ABCB1: variants seen among roughly 807,000 people sequenced by gnomAD.
ABCB1 encodes ATP-dependent translocase ABCB1.
In ABCB1, 69 loss-of-function variants were observed where a neutral mutation model predicts 142.0. The observed-to-expected ratio is 0.49, with a 90% CI of 0.40 to 0.59. The LOEUF (loss-of-function observed/expected upper bound fraction) is 0.59. Ranked by LOEUF, ABCB1 falls within the 20% of genes least tolerant of loss-of-function variation. The pLI is 0.00. For synonymous variants in ABCB1, 532 were observed against 539.2 expected (o/e 0.99, Z 0.18); for missense variants, 1,326 against 1,554.7 (o/e 0.85, Z 2.47).
At chr7:87,623,317 T>G (rs1034282291) in intron 1 of ABCB1, among the ~76,000 whole-genome samples, 1 of 152,240 alleles carries the variant, frequency 6.6e-6, no homozygotes, top group East Asian at 1.9e-4. Flanking sequence ...AAATATCCTC[T>G]GTTCGAACTG....
At chr7:87,645,819 A>T (rs566224463) in intron 1 of ABCB1, among the ~76,000 whole-genome samples, 1 of 152,260 alleles carries the variant, frequency 6.6e-6, no homozygotes, top group East Asian at 1.9e-4. Flanking sequence ...GTGAGTATTG[A>T]GTGGGAAGAA....
chr7:87,674,297 A>G (rs1447223437), intron 1 of ABCB1, among the ~76,000 whole-genome samples: 1 of 152,104 alleles, frequency 6.6e-6, no homozygotes, highest in African/African-American at 2.4e-5. Context: ...CAGTTGTGGC[A>G]GGGGTGGGGG....
At chr7:87,531,567 A>C (rs1165737254) in intron 20 of ABCB1, 70 bp from the exon 21 acceptor site, 1 of 1,416,488 alleles carries the variant, frequency 7.1e-7, no homozygotes, top group Non-Finnish European at 9.8e-7. Flanking sequence ...TATTTTCTGA[A>C]AACTCACCTT....
chr7:87,581,963 G>A (rs773670827), intron 4 of ABCB1, among the ~76,000 whole-genome samples: 7 of 152,182 alleles, frequency 4.6e-5, no homozygotes, highest in African/African-American at 7.2e-5. Flanking sequence ...GCATGACAGA[G>A]CATGTTTGCC....
At chr7:87,531,664 T>G (rs1816062794) in intron 20 of ABCB1, 167 bp from the exon 21 acceptor site, 3 of 633,198 alleles carry the variant, frequency 4.7e-6, no homozygotes, top group Admixed American at 5.7e-5. Flanking sequence ...CAGTAAGAAT[T>G]TCCATGACTT....
intron 27 of ABCB1, 70 bp downstream of exon 27, chr7:87,505,827 T>A: frequency 2.5e-6 from 4 of 1,581,396 alleles, no homozygotes; most frequent in Non-Finnish European, 8.7e-7. Context: ...TTTTGTTCTT[T>A]ACTATGGAGA....
intron 1 of ABCB1, chr7:87,629,009 G>A (rs1381867102): frequency 4.1e-5 from 52 of 1,278,446 alleles, no homozygotes; most frequent in Non-Finnish European, 5.2e-5. Flanking sequence ...GGGCTTCCGC[G>A]CGGGTCCTTG....
chr7:87,543,370 A>G (rs1415602601), intron 17 of ABCB1, among the ~76,000 whole-genome samples: 1 of 152,234 alleles, frequency 6.6e-6, no homozygotes, highest in African/African-American at 2.4e-5. Flanking sequence ...GAATGAATAT[A>G]TTAAACTGAA....
chr7:87,628,981 G>T (rs370537587), intron 1 of ABCB1: 5 of 1,303,952 alleles, frequency 3.8e-6, no homozygotes, highest in East Asian at 2.8e-5. Flanking sequence ...CCAGCCTCCC[G>T]CCGGGGCTGA....
chr7:87,543,155 A>G (rs1473366555), intron 17 of ABCB1, among the ~76,000 whole-genome samples: 1 of 152,074 alleles, frequency 6.6e-6, no homozygotes, highest in Non-Finnish European at 1.5e-5. Flanking sequence ...TTAGCCAGGC[A>G]TGGTGGTGCA....
At chr7:87,551,804 T>A (rs1367742245) in intron 9 of ABCB1, among the ~76,000 whole-genome samples, 2 of 152,228 alleles carry the variant, frequency 1.3e-5, no homozygotes, top group African/African-American at 4.8e-5. Context: ...GGCTAGAATA[T>A]TATAATAGGA....
chr7:87,522,112 C>T (rs1478610926), intron 21 of ABCB1: 13 of 1,306,964 alleles, frequency 9.9e-6, no homozygotes, highest in South Asian at 3.5e-5. Context: ...CAACTTTGGT[C>T]GTGGAGGAAA....
At chr7:87,506,369 A>C (rs1050613963) in intron 26 of ABCB1, among the ~76,000 whole-genome samples, 3 of 152,210 alleles carry the variant, frequency 2.0e-5, no homozygotes, top group African/African-American at 7.2e-5. Context: ...GGCAGGAGAA[A>C]GGAAATTTGA....
chr7:87,555,082 T>C (rs1343894192), intron 8 of ABCB1, among the ~76,000 whole-genome samples: 2 of 152,216 alleles, frequency 1.3e-5, no homozygotes, highest in Non-Finnish European at 2.9e-5. Context: ...ATGATGTCTA[T>C]AACTCGACCT....
chr7:87,520,731 T>G (rs200644063), intron 22 of ABCB1, 45 bp downstream of exon 22: 2 of 1,532,028 alleles, frequency 1.3e-6, no homozygotes, highest in African/African-American at 1.4e-5. Flanking sequence ...ATATGATGAT[T>G]GAAAAATTAT....
chr7:87,642,624 T>A (rs1584979716), intron 1 of ABCB1, among the ~76,000 whole-genome samples: 1 of 152,024 alleles, frequency 6.6e-6, no homozygotes, highest in East Asian at 1.9e-4. Context: ...ATTTATTTAT[T>A]TATTTAACAT....
chr7:87,568,016 T>C (rs2129819915), intron 5 of ABCB1, among the ~76,000 whole-genome samples: 1 of 151,228 alleles, frequency 6.6e-6, no homozygotes, highest in Non-Finnish European at 1.5e-5. Flanking sequence ...GGCAGAAGAA[T>C]CGCTTGAGCC....
chr7:87,655,322 T>C (rs1823986648), intron 1 of ABCB1, among the ~76,000 whole-genome samples: 1 of 152,090 alleles, frequency 6.6e-6, no homozygotes, highest in South Asian at 2.1e-4. Flanking sequence ...CTCAACCTAA[T>C]TGTCCATCTA....
chr7:87,579,507 A>T (rs754240941), intron 4 of ABCB1, among the ~76,000 whole-genome samples: 1 of 152,214 alleles, frequency 6.6e-6, no homozygotes, highest in African/African-American at 2.4e-5. Flanking sequence ...ATGACATATC[A>T]CATTGATTAG....
Sources: allele counts gnomAD v4.1 joint callset (sites outside exome capture counted in the v4.1 genomes callset), GRCh38; gene constraint gnomAD v4.1.1; transcripts MANE v1.5; gene names NCBI Gene and HGNC (gene_info 2026-07-23, HGNC 2026-07-21).